The following NSD2 variants were observed in gnomAD, a reference collection of about 807,000 sequenced individuals.
NSD2 encodes nuclear receptor binding SET domain protein 2.
A neutral mutation model predicts 139.0 loss-of-function variants in NSD2; 12 were observed. The ratio of observed to expected loss-of-function variants is 0.09; its 90% CI spans 0.06 to 0.14. NSD2 has a LOEUF of 0.14. Ranked by LOEUF, NSD2 falls within the 10% of genes least tolerant of loss-of-function variation. The pLI is 1.00. For synonymous variants in NSD2, 669 were observed against 648.7 expected (o/e 1.03, Z -0.48); for missense variants, 1,155 against 1,745.0 (o/e 0.66, Z 6.02).
At position 1,978,836 on chromosome 4, in the gene NSD2, C is replaced by G. The variant is rs201619712; in HGVS notation, c.4025C>G (p.Pro1342Arg). The change falls in exon 22 of 22, where the codon CCC becomes CGC. Residue 1342 changes from proline (P) to arginine (R), a missense_variant. Physicochemically the swap from Pro to Arg is moderately radical, Grantham distance 103. This residue lies in a region of NSD2 where 132 missense variants were observed against 94.3 expected (regional missense o/e 1.40). Coordinates refer to ENST00000508803, the MANE Select transcript of NSD2 (RefSeq NM_001042424.3). ...SVRSTKTEKP[P>R]PEPGKPKGKR... ...AGAAGCACCAAGACTGAGAAGCCCC[C>G]CCCAGAGCCAGGGAAGCCGAAGGGG... is the stretch of plus-strand genomic sequence containing the variant. 11 of 1,603,530 alleles carry G rather than the reference C, an allele frequency of 6.9e-6. No homozygotes were observed. In the East Asian group the frequency reaches 1.3e-4, roughly 20 times the overall value.
chr4:1,938,309 T>C (rs986277120), intron 7 of NSD2, 142 bp from the exon 8 acceptor site: 1 of 668,750 alleles, frequency 1.5e-6, no homozygotes, highest in Non-Finnish European at 2.3e-6. Flanking sequence ...CACGAAACTT[T>C]TCAGCAACCT....
intron 3 of NSD2, among the ~76,000 whole-genome samples, chr4:1,915,142 G>A (rs1719209039): frequency 8.1e-6 from 1 of 122,862 alleles, no homozygotes. Context: ...TTGAGACGGA[G>A]TCTGGCTCTG....
intron 9 of NSD2, chr4:1,941,796 C>T (rs1723126138): frequency 9.5e-7 from 1 of 1,050,548 alleles, no homozygotes; most frequent in African/African-American, 1.7e-5. Context: ...GTTAAAACTA[C>T]TTTAGGTGAA....
Position 1,941,567 on chromosome 4 carries a change from A to G in NSD2, c.1881+1789A>G, listed in dbSNP as rs961316562. On this transcript the variant is annotated intron_variant, in intron 9 of 21. Transcript: ENST00000508803. ...TTAGACTTAAATTTTAATTCTTCAG[A>G]ATGTCAGAAGTTGATAGGTTGTTAA... The G allele has an allele frequency of 5.8e-6, 6 of 1,040,214 alleles. No homozygotes were observed. The African/African-American group carries it at 1.0e-4, about 17-fold the overall frequency. 64.4% of individuals were successfully genotyped at this position (1,040,214 alleles called of 1,614,324 possible).
chr4:1,897,427 A>G (rs967249134), intron 1 of NSD2, among the ~76,000 whole-genome samples: 16 of 151,972 alleles, frequency 1.1e-4, no homozygotes, highest in African/African-American at 3.4e-4. Flanking sequence ...TAGAGGTTGC[A>G]GTGAGCTGAA....
chr4:1,937,494 A>C (rs1722539920), intron 7 of NSD2, among the ~76,000 whole-genome samples: 1 of 152,212 alleles, frequency 6.6e-6, no homozygotes, highest in Non-Finnish European at 1.5e-5. Context: ...AGTGGCTAGT[A>C]ATGTTTTATT....
chr4:1,946,557 C>T (rs1033735655), intron 9 of NSD2: 1 of 1,017,594 alleles, frequency 9.8e-7, no homozygotes, highest in Non-Finnish European at 1.2e-6. Flanking sequence ...GCGTAAGCCA[C>T]TGCACCTGGC....
At chr4:1,894,551 A>G (rs943334273) in intron 1 of NSD2, among the ~76,000 whole-genome samples, 1 of 151,894 alleles carries the variant, frequency 6.6e-6, no homozygotes, top group Non-Finnish European at 1.5e-5. Flanking sequence ...GCATGCCTGT[A>G]TTCCCAGCTA....
At position 1,979,327 on chromosome 4, in the gene NSD2, A is replaced by G. The variant is rs897087209; in HGVS notation, c.*418A>G. On this transcript the variant is annotated 3_prime_UTR_variant, in exon 22 of 22. Transcript: ENST00000508803. ...TCGCGTTGCCCCCTTTCTGGCTCTC[A>G]GCGCCGTCGCCACTCGGGAGAGGCT... is the stretch of plus-strand genomic sequence containing the variant. The G allele has an allele frequency of 1.2e-5, 3 of 240,464 alleles. No homozygotes were observed. Among genetic ancestry groups the G allele is most frequent in the Non-Finnish European group, 2.4e-5 (3 of 123,362 alleles). The allele number at this position is 240,464 out of a possible 1,614,324, so 14.9% of individuals were successfully genotyped here.
intron 9 of NSD2, among the ~76,000 whole-genome samples, chr4:1,950,531 T>G (rs1168715915): frequency 6.6e-6 from 1 of 152,242 alleles, no homozygotes; most frequent in Non-Finnish European, 1.5e-5. Context: ...AAGACTCTCC[T>G]GACTCTGCAC....
At chr4:1,947,737 A>G in intron 9 of NSD2, 1 of 1,052,046 alleles carries the variant, frequency 9.5e-7, no homozygotes, top group Non-Finnish European at 1.1e-6. Flanking sequence ...TTACAAAACC[A>G]TCATTTCAAC....
chr4:1,945,881 C>T, intron 9 of NSD2: 2 of 1,060,282 alleles, frequency 1.9e-6, no homozygotes, highest in Non-Finnish European at 2.3e-6. Flanking sequence ...TGGCAACTTG[C>T]TTCATTTCTT....
rs1721535008 is a variant in NSD2 at position 1,930,721 on chromosome 4, C to T, written c.1506C>T (p.Tyr502=). The T allele has an allele frequency of 2.5e-6, 4 of 1,613,944 alleles. No homozygotes were observed. Among genetic ancestry groups the T allele is most frequent in the Non-Finnish European group, 3.4e-6 (4 of 1,179,954 alleles). Residue 502 remains tyrosine (Y), a synonymous_variant, in exon 6 of 22, where the codon TAC becomes TAT. Transcript: ENST00000508803. The stretch of plus-strand genomic sequence containing the variant: ...TGAGTGAGAAGCAGAGAGCACGCTA[C>T]AACACCAAGTTTGCCCTGGTGGCCC... ...SLLSEKQRAR[Y]NTKFALVAPV... is the part of the protein sequence containing the mutation.
chr4:1,882,639 G>C (rs1004697372), intron 1 of NSD2, among the ~76,000 whole-genome samples: 2 of 152,106 alleles, frequency 1.3e-5, no homozygotes, highest in African/African-American at 2.4e-5. Context: ...ACTCCAGCTT[G>C]GGCGACAGAG....
At chr4:1,944,316 T>G in intron 9 of NSD2, 1 of 1,066,208 alleles carries the variant, frequency 9.4e-7, no homozygotes, top group Non-Finnish European at 1.1e-6. Flanking sequence ...GGGAGGACCA[T>G]TGGCTTGCCA....
intron 12 of NSD2, among the ~76,000 whole-genome samples, 200 bp from the exon 13 acceptor site, chr4:1,954,961 G>A (rs1365696172): frequency 1.3e-5 from 2 of 152,226 alleles, no homozygotes; most frequent in Admixed American, 6.5e-5. Context: ...GAGACACGCG[G>A]CATTTTAGAT....
chr4:1,948,773 A>G lies in NSD2; in HGVS notation c.1882-2299A>G. On this transcript the variant is annotated intron_variant, in intron 9 of 21. Coordinates refer to ENST00000508803, the MANE Select transcript of NSD2 (RefSeq NM_001042424.3). The surrounding 1 kb of genome is among the most constrained non-coding windows in gnomAD (Gnocchi z 4.5). ...AAATCTCTCCAAGTGGAAACGTGCT[A>G]ACTTTTTCTGTAAATCTGAAATAAA... 2 of 1,042,706 alleles carry G rather than the reference A, an allele frequency of 1.9e-6. No individual in the cohort carries two copies. Among genetic ancestry groups the G allele is most frequent in the South Asian group, 4.6e-5 (1 of 21,752 alleles). The allele number at this position is 1,042,706 out of a possible 1,614,324, so 64.6% of individuals were successfully genotyped here. A position where few individuals can be genotyped will look rare whatever the true frequency, so the allele number is the denominator to read the frequency against.
intron 18 of NSD2, among the ~76,000 whole-genome samples, chr4:1,965,635 C>G (rs1470237209): frequency 6.6e-6 from 1 of 152,184 alleles, no homozygotes; most frequent in Admixed American, 6.5e-5. Context: ...TTACACTGCT[C>G]TAGAGATACT....
At chr4:1,929,734 G>T (rs1220390063) in intron 5 of NSD2, among the ~76,000 whole-genome samples, 1 of 152,166 alleles carries the variant, frequency 6.6e-6, no homozygotes, top group Non-Finnish European at 1.5e-5. Flanking sequence ...GTTACACCTG[G>T]CTGGCTGGCA....
Sources: allele counts gnomAD v4.1 joint callset (sites outside exome capture counted in the v4.1 genomes callset), GRCh38; gene constraint gnomAD v4.1.1; regional missense constraint gnomAD v4.1.1; non-coding constraint Gnocchi (gnomAD v3.1); transcripts MANE v1.5; gene names NCBI Gene and HGNC (gene_info 2026-07-23, HGNC 2026-07-21).